The following C12orf42 variants were observed in gnomAD, a reference collection of about 807,000 sequenced individuals.
C12orf42 encodes uncharacterized protein C12orf42.
A neutral mutation model predicts 21.6 loss-of-function variants in C12orf42; 25 were observed. The observed-to-expected ratio is 1.16, with a 90% CI of 0.84 to 1.62. The LOEUF is 1.62. Ranked by LOEUF, C12orf42 falls within the 40% of genes most tolerant of loss-of-function variation. The pLI, the probability that C12orf42 is intolerant of heterozygous loss-of-function variation, is 0.00. For synonymous variants in C12orf42, 174 were observed against 175.0 expected (o/e 0.99, Z 0.05); for missense variants, 483 against 459.3 (o/e 1.05, Z -0.47).
chr12:103,182,135 T>TTTTTTTTTTTTTTTTTTTTTG, the C12orf42 span, among the ~76,000 whole-genome samples: 1 of 152,146 alleles, frequency 6.6e-6, no homozygotes, highest in African/African-American at 2.4e-5. Context: ...TCTCTTAATT[T>TTTTTTTTTTTTTTTTTTTTTG]AGGCTGCTAA....
the C12orf42 span, among the ~76,000 whole-genome samples, chr12:103,198,573 T>G: frequency 1.3e-5 from 2 of 152,248 alleles, no homozygotes; most frequent in African/African-American, 4.8e-5. Flanking sequence ...ATCTGGGCTC[T>G]GCACAGGCTG....
chr12:103,227,719 G>A, the C12orf42 span, among the ~76,000 whole-genome samples: 30 of 152,266 alleles, frequency 2.0e-4, no homozygotes, highest in African/African-American at 7.0e-4. Flanking sequence ...CCCTTGAAAC[G>A]TGGGTGTATA....
intron 2 of C12orf42, among the ~76,000 whole-genome samples, chr12:103,414,058 A>C (rs1012257906): frequency 2.0e-5 from 3 of 152,194 alleles, no homozygotes; most frequent in Non-Finnish European, 2.9e-5. Context: ...TAGTTCTTTA[A>C]GGAATCTCCA....
At chr12:103,256,291 T>C (rs895871506) in intron 10 of C12orf42, among the ~76,000 whole-genome samples, 13 of 151,012 alleles carry the variant, frequency 8.6e-5, no homozygotes, top group Non-Finnish European at 1.5e-4. Context: ...AGTGACAGTA[T>C]ACTTTCCAAT....
At chr12:103,491,211 A>G (rs566188148) in intron 1 of C12orf42, among the ~76,000 whole-genome samples, 120 of 152,318 alleles carry the variant, frequency 7.9e-4, no homozygotes, top group African/African-American at 2.9e-3. Flanking sequence ...TATTGTTCTA[A>G]TCAGGTCATC....
the C12orf42 span, among the ~76,000 whole-genome samples, chr12:103,507,365 G>A: frequency 7.4e-6 from 1 of 134,488 alleles, no homozygotes; most frequent in East Asian, 2.1e-4. Flanking sequence ...GGATTGGGCA[G>A]GGGGGCATAA....
At chr12:103,156,847 G>A in the C12orf42 span, among the ~76,000 whole-genome samples, 1 of 152,144 alleles carries the variant, frequency 6.6e-6, no homozygotes, top group South Asian at 2.1e-4. Context: ...GGTGTATATA[G>A]ACCACATTTT....
At chr12:103,217,808 C>T in the C12orf42 span, among the ~76,000 whole-genome samples, 1 of 152,102 alleles carries the variant, frequency 6.6e-6, no homozygotes, top group African/African-American at 2.4e-5. Context: ...CCTTGTAGAG[C>T]CCCCCTTACT....
intron 1 of C12orf42, among the ~76,000 whole-genome samples, chr12:103,483,816 CCCA>C (rs1954637554): frequency 6.6e-6 from 1 of 152,106 alleles, no homozygotes; most frequent in Non-Finnish European, 1.5e-5. Flanking sequence ...TCCCCCAGCC[CCCA>C]CCACATGACA....
At chr12:103,195,934 T>C in the C12orf42 span, among the ~76,000 whole-genome samples, 3 of 152,112 alleles carry the variant, frequency 2.0e-5, no homozygotes, top group African/African-American at 7.2e-5. Context: ...ATATTTAAGT[T>C]TTTCATCCAT....
At chr12:103,195,035 A>G in the C12orf42 span, among the ~76,000 whole-genome samples, 1 of 152,118 alleles carries the variant, frequency 6.6e-6, no homozygotes, top group Admixed American at 6.5e-5. Flanking sequence ...ACTTATAAGC[A>G]AGAATATTCA....
intron 4 of C12orf42, among the ~76,000 whole-genome samples, chr12:103,341,547 T>C (rs998065686): frequency 2.0e-5 from 3 of 152,120 alleles, no homozygotes; most frequent in African/African-American, 4.8e-5. Flanking sequence ...TATCGATTAA[T>C]ACAAAAGAAG....
intron 4 of C12orf42, among the ~76,000 whole-genome samples, chr12:103,320,335 A>T (rs555102330): frequency 1.3e-5 from 2 of 152,228 alleles, no homozygotes. Context: ...TCCTTCTAAT[A>T]GGCATAATTT....
chr12:103,092,121 G>A, the C12orf42 span, among the ~76,000 whole-genome samples: 1 of 152,092 alleles, frequency 6.6e-6, no homozygotes, highest in Non-Finnish European at 1.5e-5. Flanking sequence ...AATTTCTTGG[G>A]GATACCACAA....
chr12:103,121,350 C>G, the C12orf42 span, among the ~76,000 whole-genome samples: 1 of 152,126 alleles, frequency 6.6e-6, no homozygotes, highest in African/African-American at 2.4e-5. Context: ...TTGACTTGTC[C>G]TGGTCAGCAG....
the C12orf42 span, among the ~76,000 whole-genome samples, chr12:103,120,450 G>A: frequency 6.6e-6 from 1 of 152,204 alleles, no homozygotes; most frequent in African/African-American, 2.4e-5. Context: ...AGTGCTAACA[G>A]TGTGGGAAGT....
chr12:103,344,721 G>C (rs922325792), intron 4 of C12orf42, among the ~76,000 whole-genome samples: 1 of 152,122 alleles, frequency 6.6e-6, no homozygotes, highest in Admixed American at 6.5e-5. Context: ...GGCACATTTT[G>C]GGCTGCCTAT....
chr12:103,213,184 C>T, the C12orf42 span, among the ~76,000 whole-genome samples: 6 of 152,230 alleles, frequency 3.9e-5, no homozygotes, highest in East Asian at 7.7e-4. Flanking sequence ...GTGCCAGGTA[C>T]TAAGTACTTT....
chr12:103,149,998 C>T, the C12orf42 span, among the ~76,000 whole-genome samples: 1 of 152,084 alleles, frequency 6.6e-6, no homozygotes, highest in Admixed American at 6.6e-5. Context: ...CATCCTTCCC[C>T]TATATGATAG....
Sources: allele counts gnomAD v4.1 joint callset (sites outside exome capture counted in the v4.1 genomes callset), GRCh38; gene constraint gnomAD v4.1.1; transcripts MANE v1.5; gene names NCBI Gene and HGNC (gene_info 2026-07-23, HGNC 2026-07-21).